The following ZDHHC18 variants were observed in gnomAD, a reference collection of about 807,000 sequenced individuals.
ZDHHC18 encodes the protein zDHHC palmitoyltransferase 18.
ZDHHC18 carries 23 observed loss-of-function variants against 37.5 expected under a neutral mutation model. The ratio of observed to expected loss-of-function variants is 0.61; its 90% CI spans 0.44 to 0.87. ZDHHC18 has a LOEUF of 0.87. Ranked by LOEUF, ZDHHC18 falls within the 40% of genes least tolerant of loss-of-function variation. The pLI, the probability that ZDHHC18 is intolerant of heterozygous loss-of-function variation, is 0.00. For missense variants in ZDHHC18, 406 were observed against 525.6 expected, an observed-to-expected ratio of 0.77 and a Z score of 2.22; for synonymous variants, 185 against 218.7, an observed-to-expected ratio of 0.85 and a Z score of 1.36.
intron 1 of ZDHHC18, among the ~76,000 whole-genome samples, chr1:26,831,283 G>T (rs1570665431): frequency 6.6e-6 from 1 of 150,884 alleles, no homozygotes; most frequent in East Asian, 1.9e-4. Flanking sequence ...AGCCAGGCTT[G>T]TTATAGGAAC....
chr1:26,849,232 G>A (rs928659046), intron 3 of ZDHHC18, among the ~76,000 whole-genome samples: 7 of 152,208 alleles, frequency 4.6e-5, no homozygotes, highest in Non-Finnish European at 1.0e-4. Flanking sequence ...CTGATGAGGT[G>A]CAGAGGATGT....
Position 26,842,149 on chromosome 1 carries a change from AAGAG to A in ZDHHC18, c.497-6447_497-6444del, listed in dbSNP as rs199852583. Among the ~76,000 whole-genome samples, 975 of 149,738 alleles carry A rather than the reference AAGAG, an allele frequency of 6.5e-3. 8 individuals are homozygous for A. The highest frequency in any genetic ancestry group is 0.01 in the Middle Eastern group (3 of 290). On this transcript the variant is annotated intron_variant, in intron 2 of 7. Coordinates refer to ENST00000374142, the MANE Select transcript of ZDHHC18 (RefSeq NM_032283.3). ...ACTCCATCTCAAAAAAAAAAAAAAA[AAGAG>A]AGAGAGAGAGACAGGGTCCGCCTTT... is the stretch of plus-strand genomic sequence containing the variant.
intron 7 of ZDHHC18, 112 bp downstream of exon 7, chr1:26,852,977 T>C (rs545662697): frequency 1.9e-5 from 16 of 849,524 alleles, no homozygotes; most frequent in South Asian, 3.5e-5. Context: ...CTCCGTCCAC[T>C]ACCCCCTGGA....
intron 1 of ZDHHC18, among the ~76,000 whole-genome samples, chr1:26,830,259 A>T (rs972879844): frequency 5.3e-5 from 8 of 152,198 alleles, no homozygotes; most frequent in South Asian, 4.1e-4. Context: ...CTATGGGGTG[A>T]TGGTTAAAAG....
At chr1:26,848,930 C>T (rs1421683337) in intron 3 of ZDHHC18, among the ~76,000 whole-genome samples, 173 bp downstream of exon 3, 2 of 152,020 alleles carry the variant, frequency 1.3e-5, no homozygotes, top group Admixed American at 6.5e-5. Context: ...AGGGGAGGGG[C>T]CCTCAGCATA....
At chr1:26,848,882 T>C (rs1220159494) in intron 3 of ZDHHC18, 125 bp downstream of exon 3, 1 of 1,384,108 alleles carries the variant, frequency 7.2e-7, no homozygotes, top group Non-Finnish European at 9.7e-7. Context: ...GGGCAGGGGG[T>C]CTGGTTCACC....
rs1207874394 is a variant in ZDHHC18, at chr1:26,855,410, G to T, written c.*1567G>T. On this transcript the variant is annotated 3_prime_UTR_variant, in exon 8 of 8. Transcript: ENST00000374142. ...GGAGCTGTAGTTTCTTATCAAAATA[G>T]ATATTGTTCCACCATCCCCCTCCTT... 2.0e-5 allele frequency: 3 copies of T among 152,704 alleles called. No homozygotes were observed. Among genetic ancestry groups the T allele is most frequent in the African/African-American group, 7.2e-5 (3 of 41,464 alleles). The allele number at this position is 152,704 out of a possible 1,614,324, so 9.5% of individuals were successfully genotyped here.
rs547666612 is a variant in ZDHHC18, at chr1:26,830,617, T to G, written c.336-1830T>G. On this transcript the variant is annotated intron_variant, in intron 1 of 7. Transcript: ENST00000374142. ...GCAGTGTCTGGCACATAGTAAGCCTTCAAAAGATGGTAGCTATTTTTCTGT... is the reference window on the plus strand; with the variant it reads ...GCAGTGTCTGGCACATAGTAAGCCTGCAAAAGATGGTAGCTATTTTTCTGT... 7.2e-5 allele frequency among the ~76,000 whole-genome samples: 11 copies of G among 152,350 alleles called. No homozygotes were observed. In the South Asian group the frequency reaches 2.1e-3, roughly 29 times the overall value.
chr1:26,848,269 C>A (rs769272497), intron 2 of ZDHHC18, among the ~76,000 whole-genome samples: 1 of 151,668 alleles, frequency 6.6e-6, no homozygotes, highest in Non-Finnish European at 1.5e-5. Flanking sequence ...CTGAGATTCA[C>A]GCCACTGTAC....
At chr1:26,845,954 T>C (rs1169300351) in intron 2 of ZDHHC18, among the ~76,000 whole-genome samples, 1 of 151,838 alleles carries the variant, frequency 6.6e-6, no homozygotes, top group East Asian at 1.9e-4. Context: ...GGAATGAGTT[T>C]GTCAATTTTC....
chr1:26,852,970 C>T (rs890814713), intron 7 of ZDHHC18, 105 bp downstream of exon 7: 12 of 896,404 alleles, frequency 1.3e-5, no homozygotes, highest in Non-Finnish European at 1.7e-5. Flanking sequence ...AGATGCCCTC[C>T]GTCCACTACC....
chr1:26,848,227 G>A (rs1570674330), intron 2 of ZDHHC18, among the ~76,000 whole-genome samples: 3 of 152,028 alleles, frequency 2.0e-5, no homozygotes, highest in South Asian at 2.1e-4. Context: ...CATGAGAATC[G>A]CTTGAACCTG....
At chr1:26,847,352 T>C (rs116014546) in intron 2 of ZDHHC18, among the ~76,000 whole-genome samples, 1,987 of 151,876 alleles carry the variant, frequency 0.013, 41 homozygotes, top group African/African-American at 0.045. Flanking sequence ...GCTGGGACTA[T>C]AGTCACACGC....
chr1:26,853,120 G>C (rs986560000), intron 7 of ZDHHC18: 2 of 389,868 alleles, frequency 5.1e-6, no homozygotes, highest in African/African-American at 4.1e-5. Context: ...ACTCCCCGGG[G>C]GTAGCCACCA....
At position 26,848,643 on chromosome 1, in the gene ZDHHC18, C is replaced by T. The variant is rs1198469791; in HGVS notation, c.532C>T (p.Arg178Trp). Residue 178 changes from arginine to tryptophan, a missense_variant, in exon 3 of 8, where the codon CGG (arginine) becomes TGG (tryptophan). Arg to Trp is a moderately radical substitution (Grantham distance 101, BLOSUM62 -3). Coordinates refer to ENST00000374142, the MANE Select transcript of ZDHHC18 (RefSeq NM_032283.3). ...CAGTTCTACATACCGGCCACCCCCT[C>T]GGACCCGGGAGGTGCTGATCAACGG... Reference protein sequence around the residue: ...TGSSTYRPPPRTREVLINGQM... With the variant: ...TGSSTYRPPPWTREVLINGQM... 2.5e-6 allele frequency: 4 copies of T among 1,613,938 alleles called. No homozygotes were observed. Among genetic ancestry groups the T allele is most frequent in the Non-Finnish European group, 3.4e-6 (4 of 1,179,842 alleles).
At chr1:26,847,875 CT>C (rs768513928) in intron 2 of ZDHHC18, among the ~76,000 whole-genome samples, 1 of 152,146 alleles carries the variant, frequency 6.6e-6, no homozygotes, top group East Asian at 1.9e-4. Context: ...ATGACATTGA[CT>C]TTTGTTAGAG....
intron 2 of ZDHHC18, among the ~76,000 whole-genome samples, chr1:26,833,977 G>T (rs74062528): frequency 0.012 from 1,804 of 152,256 alleles, 37 homozygotes; most frequent in African/African-American, 0.042. Context: ...AGCCACGCCT[G>T]CGAGGGCCAC....
chr1:26,851,195 G>T lies in ZDHHC18; in HGVS notation c.900G>T (p.Thr300=). ...WSILGLSGFH[T]YLVASNLTTN... The stretch of plus-strand genomic sequence containing the variant: ...TTCTGGGCCTCTCAGGGTTTCACAC[G>T]TACCTCGTCGCCTCCAACCTGACTA... The change falls in exon 6 of 8, where the codon ACG becomes ACT. Residue 300 remains threonine, a synonymous_variant. Coordinates refer to ENST00000374142, the MANE Select transcript of ZDHHC18 (RefSeq NM_032283.3). The T allele has an allele frequency of 6.2e-7, 1 of 1,614,156 alleles. No homozygotes were observed. Among genetic ancestry groups the T allele is most frequent in the Non-Finnish European group, 8.5e-7 (1 of 1,180,016 alleles).
At chr1:26,840,907 T>A (rs2081635601) in intron 2 of ZDHHC18, among the ~76,000 whole-genome samples, 2 of 151,108 alleles carry the variant, frequency 1.3e-5, no homozygotes, top group African/African-American at 4.9e-5. Context: ...GGTTGTTTCA[T>A]TACCACCTTG....
Sources: allele counts gnomAD v4.1 joint callset (sites outside exome capture counted in the v4.1 genomes callset), GRCh38; gene constraint gnomAD v4.1.1; transcripts MANE v1.5; gene names NCBI Gene and HGNC (gene_info 2026-07-23, HGNC 2026-07-21).